The following PRKAR1A variants were observed in gnomAD, a reference collection of about 807,000 sequenced individuals.
PRKAR1A encodes protein kinase cAMP-dependent type I regulatory subunit alpha.
A neutral mutation model predicts 52.0 loss-of-function variants in PRKAR1A; 3 were observed. The observed-to-expected ratio is 0.06, with a 90% confidence interval of 0.03 to 0.15. The LOEUF is 0.15. PRKAR1A is among the 10% of genes least tolerant of loss of function. PRKAR1A has a pLI of 1.00. For missense variants in PRKAR1A, 240 were observed against 477.4 expected (o/e 0.50, Z 4.63); for synonymous variants, 188 against 168.4 (o/e 1.12, Z -0.90).
the PRKAR1A span, among the ~76,000 whole-genome samples, chr17:68,478,568 C>G: frequency 6.6e-6 from 1 of 151,982 alleles, no homozygotes; most frequent in Admixed American, 6.6e-5. Context: ...GTTTGTATTG[C>G]GATCTGATTA....
At chr17:68,450,830 GTGAC>G in the PRKAR1A span, 6 of 1,614,200 alleles carry the variant, frequency 3.7e-6, no homozygotes, top group South Asian at 1.1e-5. Flanking sequence ...GTGGTTTTGT[GTGAC>G]TGACTACCAC....
intron 6 of PRKAR1A, among the ~76,000 whole-genome samples, chr17:68,525,335 A>G (rs1481598059): frequency 6.8e-6 from 1 of 147,410 alleles, no homozygotes; most frequent in African/African-American, 2.5e-5. Flanking sequence ...GCCATTAGCT[A>G]GCAAAATTAA....
At chr17:68,445,857 G>A in the PRKAR1A span, among the ~76,000 whole-genome samples, 1 of 152,224 alleles carries the variant, frequency 6.6e-6, no homozygotes, top group South Asian at 2.1e-4. Flanking sequence ...TCAGGCCAGT[G>A]TTTCTTAGAC....
At chr17:68,516,235 G>A (rs1364113213) in intron 2 of PRKAR1A, among the ~76,000 whole-genome samples, 1 of 151,964 alleles carries the variant, frequency 6.6e-6, no homozygotes, top group Non-Finnish European at 1.5e-5. Context: ...CTACGTATAT[G>A]GCATATGTTT....
chr17:68,429,938 T>A, the PRKAR1A span: 1 of 1,606,288 alleles, frequency 6.2e-7, no homozygotes, highest in Non-Finnish European at 8.5e-7. Context: ...TTTTGTGCTT[T>A]GGAAAAATAC....
At chr17:68,509,150 T>C (rs890090462), upstream of PRKAR1A, among the ~76,000 whole-genome samples, 89 of 152,358 alleles carry the variant, frequency 5.8e-4, 2 homozygotes, top group African/African-American at 2.0e-3. Flanking sequence ...TGGTTTTTGG[T>C]ATTGTTTCAC....
At chr17:68,460,738 T>C in the PRKAR1A span, among the ~76,000 whole-genome samples, 84 of 152,362 alleles carry the variant, frequency 5.5e-4, no homozygotes, top group African/African-American at 1.8e-3. Context: ...ATTCTTATTT[T>C]CAAAAAGTAC....
the PRKAR1A span, chr17:68,433,383 GAA>G: frequency 8.0e-7 from 1 of 1,248,470 alleles, no homozygotes; most frequent in Non-Finnish European, 1.2e-6. Context: ...TGTTCAGAAA[GAA>G]AAGAGATCAT....
the PRKAR1A span, among the ~76,000 whole-genome samples, chr17:68,459,988 T>A: frequency 1.3e-5 from 2 of 151,942 alleles, no homozygotes; most frequent in African/African-American, 2.4e-5. Context: ...GCCCAGCTAA[T>A]TTTTGTATTT....
the PRKAR1A span, among the ~76,000 whole-genome samples, chr17:68,414,482 G>T: frequency 6.6e-6 from 1 of 152,140 alleles, no homozygotes; most frequent in African/African-American, 2.4e-5. Context: ...ATATCAGTCT[G>T]TAGTTTTCTT....
chr17:68,421,741 G>A, the PRKAR1A span: 42 of 1,613,930 alleles, frequency 2.6e-5, no homozygotes, highest in Non-Finnish European at 3.5e-5. Flanking sequence ...CCTGATAGGG[G>A]GGATGTCCTG....
At chr17:68,445,603 C>T in the PRKAR1A span, among the ~76,000 whole-genome samples, 1 of 152,244 alleles carries the variant, frequency 6.6e-6, no homozygotes, top group African/African-American at 2.4e-5. Flanking sequence ...AGACCCTTCT[C>T]TTCCTCTCCA....
chr17:68,550,333 G>A (rs1232592424), intron 11 of PRKAR1A, among the ~76,000 whole-genome samples: 1 of 141,932 alleles, frequency 7.0e-6, no homozygotes, highest in Non-Finnish European at 1.5e-5. Context: ...CTAACAACTA[G>A]GATTTTGGAT....
the PRKAR1A span, among the ~76,000 whole-genome samples, chr17:68,465,025 A>G: frequency 2.7e-5 from 4 of 150,032 alleles, no homozygotes; most frequent in African/African-American, 9.8e-5. Flanking sequence ...TCCCAGGTTC[A>G]CACCATTCTC....
chr17:68,506,657 T>C, the PRKAR1A span, among the ~76,000 whole-genome samples: 2 of 152,078 alleles, frequency 1.3e-5, no homozygotes, highest in African/African-American at 4.8e-5. Flanking sequence ...CTAATTTTTG[T>C]ATTTTTAGTA....
chr17:68,462,984 G>T, the PRKAR1A span, among the ~76,000 whole-genome samples: 1 of 152,146 alleles, frequency 6.6e-6, no homozygotes, highest in Non-Finnish European at 1.5e-5. Context: ...CTCCTGGCTG[G>T]GCATGGCTTG....
intron 11 of PRKAR1A, chr17:68,539,999 G>T: frequency 6.3e-7 from 1 of 1,594,590 alleles, no homozygotes; most frequent in Non-Finnish European, 8.6e-7. Context: ...GCTGGAACCA[G>T]CAGGCCAGGG....
At chr17:68,479,395 A>AT in the PRKAR1A span, among the ~76,000 whole-genome samples, 35 of 151,992 alleles carry the variant, frequency 2.3e-4, no homozygotes, top group African/African-American at 8.2e-4. Context: ...TTGCTTTGCT[A>AT]TTTTTTGGGT....
chr17:68,536,244 A>T (rs956706341), downstream of PRKAR1A: 4 of 453,978 alleles, frequency 8.8e-6, no homozygotes, highest in African/African-American at 8.0e-5. Flanking sequence ...TTCTATTCTC[A>T]TGCTTACAGT....
Sources: gnomAD v4.1 joint callset for allele counts (sites outside exome capture counted in the v4.1 genomes callset) on GRCh38, gnomAD v4.1.1 for gene constraint, MANE v1.5 for transcripts, NCBI Gene and HGNC (gene_info 2026-07-23, HGNC 2026-07-21) for gene names.